PLPPR1: variants seen among roughly 807,000 people sequenced by gnomAD.
PLPPR1 encodes the protein phospholipid phosphatase related 1.
PLPPR1 carries 10 observed loss-of-function variants against 33.1 expected under a neutral mutation model. The ratio of observed to expected loss-of-function variants is 0.30; its 90% CI spans 0.19 to 0.51. The LOEUF is 0.51. PLPPR1 is among the 20% of genes least tolerant of loss of function. The pLI is 0.97. For synonymous variants in PLPPR1, 151 were observed against 151.0 expected (o/e 1.00, Z 0.00); for missense variants, 304 against 408.1 (o/e 0.74, Z 2.20).
chr9:101,323,469 C>CAAAAAAAAAAAAAAA (rs11339430), intron 7 of PLPPR1, among the ~76,000 whole-genome samples: 9 of 93,792 alleles, frequency 9.6e-5, no homozygotes, highest in South Asian at 8.0e-4. Context: ...AACCCTGTCT[C>CAAAAAAAAAAAAAAA]AAAAAAAAAA....
chr9:101,243,374 T>A (rs1827519049), intron 2 of PLPPR1, among the ~76,000 whole-genome samples: 1 of 152,014 alleles, frequency 6.6e-6, no homozygotes, highest in Non-Finnish European at 1.5e-5. Flanking sequence ...GCTAAGAGAC[T>A]TGTGCTGGAA....
At chr9:101,283,150 T>C (rs1207575315) in intron 3 of PLPPR1, among the ~76,000 whole-genome samples, 6 of 152,160 alleles carry the variant, frequency 3.9e-5, no homozygotes, top group Admixed American at 3.3e-4. Flanking sequence ...AATGATATTT[T>C]TCACAGGATA....
At chr9:101,322,567 T>C (rs1226677742) in intron 7 of PLPPR1, 1 of 152,132 alleles carries the variant, frequency 6.6e-6, no homozygotes, top group Non-Finnish European at 1.5e-5. Context: ...AGAGAATTTT[T>C]GCAACTCAGA....
intron 2 of PLPPR1, chr9:101,188,083 A>C (rs1200891909): frequency 6.6e-6 from 1 of 152,054 alleles, no homozygotes; most frequent in Non-Finnish European, 1.5e-5. Flanking sequence ...ATTTATCCAG[A>C]TGGGCAGTCC....
intron 2 of PLPPR1, among the ~76,000 whole-genome samples, chr9:101,200,725 C>A (rs75500702): frequency 0.018 from 2,685 of 152,252 alleles, 37 homozygotes; most frequent in South Asian, 0.027. Flanking sequence ...GCATTTTAAT[C>A]ATTTGATATT....
At chr9:101,290,742 A>G (rs1588112949) in intron 4 of PLPPR1, among the ~76,000 whole-genome samples, 1 of 152,342 alleles carries the variant, frequency 6.6e-6, no homozygotes, top group East Asian at 1.9e-4. Context: ...TTTTTCATGG[A>G]GAATATTCAT....
chr9:101,271,902 A>G (rs548642992), intron 3 of PLPPR1, among the ~76,000 whole-genome samples: 1 of 152,218 alleles, frequency 6.6e-6, no homozygotes, highest in South Asian at 2.1e-4. Flanking sequence ...TTAAAAAAAT[A>G]TAAAAAAGGG....
intron 1 of PLPPR1, among the ~76,000 whole-genome samples, chr9:101,139,570 T>A (rs1488448621): frequency 6.6e-6 from 1 of 152,138 alleles, no homozygotes; most frequent in Non-Finnish European, 1.5e-5. Flanking sequence ...ATTGACAGTG[T>A]GGTGAGGAGG....
chr9:101,158,606 A>C (rs961359233), intron 1 of PLPPR1, among the ~76,000 whole-genome samples: 1 of 152,214 alleles, frequency 6.6e-6, no homozygotes, highest in Non-Finnish European at 1.5e-5. Flanking sequence ...CTCAGTGGGA[A>C]AGTCTGTAAC....
chr9:101,305,002 A>G (rs1828830604), intron 4 of PLPPR1, among the ~76,000 whole-genome samples: 1 of 152,106 alleles, frequency 6.6e-6, no homozygotes, highest in African/African-American at 2.4e-5. Flanking sequence ...AAAAAAGGTA[A>G]GAGAGGAGAG....
At chr9:101,093,882 T>C (rs1445717038) in intron 1 of PLPPR1, among the ~76,000 whole-genome samples, 2 of 152,184 alleles carry the variant, frequency 1.3e-5, no homozygotes, top group African/African-American at 4.8e-5. Context: ...AATGCAACAT[T>C]TGATTTGTAA....
chr9:101,038,430 A>C (rs1384891527), intron 1 of PLPPR1, among the ~76,000 whole-genome samples: 1 of 152,136 alleles, frequency 6.6e-6, no homozygotes, highest in South Asian at 2.1e-4. Context: ...AAGAGAAAAA[A>C]ATAACGAGAG....
intron 1 of PLPPR1, among the ~76,000 whole-genome samples, chr9:101,100,111 T>G (rs1830879057): frequency 6.6e-6 from 1 of 152,066 alleles, no homozygotes; most frequent in Non-Finnish European, 1.5e-5. Flanking sequence ...TTTAGGCATT[T>G]TTTTTCTTAC....
At chr9:101,288,387 T>C (rs2118918982) in intron 4 of PLPPR1, among the ~76,000 whole-genome samples, 1 of 152,238 alleles carries the variant, frequency 6.6e-6, no homozygotes, top group East Asian at 1.9e-4. Flanking sequence ...GATCTGGACC[T>C]TGGGAGGATA....
intron 4 of PLPPR1, among the ~76,000 whole-genome samples, chr9:101,288,801 G>A (rs776530914): frequency 2.6e-5 from 4 of 152,176 alleles, no homozygotes; most frequent in Non-Finnish European, 5.9e-5. Flanking sequence ...TGGAAAGTTT[G>A]AGAACCACTG....
intron 1 of PLPPR1, among the ~76,000 whole-genome samples, chr9:101,114,608 T>C (rs888053293): frequency 6.6e-6 from 1 of 152,252 alleles, no homozygotes; most frequent in African/African-American, 2.4e-5. Context: ...AGCCAGCTGA[T>C]GTGACTCGCA....
At chr9:101,295,245 G>A (rs1415088360) in intron 4 of PLPPR1, among the ~76,000 whole-genome samples, 2 of 151,886 alleles carry the variant, frequency 1.3e-5, no homozygotes, top group Non-Finnish European at 2.9e-5. Context: ...AACTTACAAG[G>A]GACGTGAAGG....
At chr9:101,172,059 C>G (rs1351273596) in intron 1 of PLPPR1, among the ~76,000 whole-genome samples, 1 of 152,142 alleles carries the variant, frequency 6.6e-6, no homozygotes, top group Non-Finnish European at 1.5e-5. Context: ...AAATATACCA[C>G]TCTCCCTTAA....
chr9:101,125,563 C>T, intron 1 of PLPPR1: 1 of 501,836 alleles, frequency 2.0e-6, no homozygotes. Context: ...CTGTCTCCTG[C>T]CTAAAGCAGG....
Sources: gnomAD v4.1 joint callset for allele counts (sites outside exome capture counted in the v4.1 genomes callset) on GRCh38, gnomAD v4.1.1 for gene constraint, MANE v1.5 for transcripts, NCBI Gene and HGNC (gene_info 2026-07-23, HGNC 2026-07-21) for gene names.